The following TGM6 variants were observed in gnomAD, a reference collection of about 807,000 sequenced individuals.
The protein encoded by TGM6 is transglutaminase 6.
In TGM6, 74 loss-of-function variants were observed where a neutral mutation model predicts 77.5. The observed-to-expected ratio is 0.96, with a 90% CI of 0.79 to 1.16. The LOEUF is 1.16. Ranked by LOEUF, TGM6 falls within the 50% of genes most tolerant of loss-of-function variation. TGM6 has a pLI of 0.00. For synonymous variants in TGM6, 383 were observed against 378.9 expected (o/e 1.01, Z -0.12); for missense variants, 968 against 940.2 (o/e 1.03, Z -0.39).
Position 2,430,883 on chromosome 20 carries a change from G to T in TGM6, c.1834-11G>T, listed in dbSNP as rs776320438. 4 of 1,614,022 alleles carry T rather than the reference G, an allele frequency of 2.5e-6. No individual in the cohort carries two copies. The highest frequency in any genetic ancestry group is 2.5e-6 in the Non-Finnish European group (3 of 1,180,044). On this transcript the variant is annotated splice_polypyrimidine_tract_variant and intron_variant, in intron 11 of 12. Transcript: ENST00000202625. ...GTAGGCGCGATGGCTCATGGGTGTT[G>T]TCCCCTTCAGGTTCTGGGCCCAGCC...
chr20:2,386,811 G>T (rs375337133), intron 1 of TGM6, among the ~76,000 whole-genome samples: 1 of 146,380 alleles, frequency 6.8e-6, no homozygotes, highest in Non-Finnish European at 1.6e-5. Context: ...GGCAGGGAAG[G>T]GGGGAAACCA....
chr20:2,399,486 C>A (rs1262925080), intron 5 of TGM6, 75 bp from the exon 6 acceptor site: 13 of 1,607,452 alleles, frequency 8.1e-6, no homozygotes, highest in Non-Finnish European at 1.1e-5. Context: ...CAAAGTTGGA[C>A]AGGATTTGAC....
chr20:2,408,989 G>A (rs374823875), intron 9 of TGM6, among the ~76,000 whole-genome samples: 4 of 152,272 alleles, frequency 2.6e-5, no homozygotes, highest in East Asian at 3.9e-4. Flanking sequence ...TCTAACAGAC[G>A]CCTATAGAAG....
chr20:2,381,038 C>G (rs2422753), intron 1 of TGM6, 63 bp downstream of exon 1: 1 of 1,594,714 alleles, frequency 6.3e-7, no homozygotes. Context: ...TCAAGAAACA[C>G]GGGTCTGTGG....
In TGM6 at chr20:2,399,644, C is replaced by A. The variant is rs753043689; in HGVS notation, c.756C>A (p.Arg252=). 2 of 1,613,638 alleles carry A rather than the reference C, an allele frequency of 1.2e-6. No homozygotes were observed. The highest frequency in any genetic ancestry group is 1.7e-5 in the Admixed American group (1 of 60,008). The part of the protein sequence containing the change: ...YGGGTSPLHW[R]GSVAILQKWL... Reference sequence around the variant, plus strand: ...GCGGCACCAGCCCGCTGCACTGGCGCGGCAGCGTGGCCATTCTGCAGAAGT... The same window carrying A: ...GCGGCACCAGCCCGCTGCACTGGCGAGGCAGCGTGGCCATTCTGCAGAAGT... The change falls in exon 6 of 13, where the codon CGC becomes CGA. Residue 252 remains arginine, a synonymous_variant. Coordinates refer to ENST00000202625, the MANE Select transcript of TGM6 (RefSeq NM_198994.3).
intron 9 of TGM6, 97 bp from the exon 10 acceptor site, chr20:2,417,135 C>CAT: frequency 9.4e-7 from 1 of 1,061,066 alleles, no homozygotes; most frequent in Non-Finnish European, 1.4e-6. Context: ...CGCCGGTGTG[C>CAT]ATATGGCTCT....
rs374655115 is a variant in TGM6 at position 2,432,581 on chromosome 20, G to C, written c.2059G>C (p.Val687Leu). Residue 687 changes from valine to leucine, a missense_variant, in exon 13 of 13, where the codon GTA (valine) becomes CTA (leucine). Coordinates refer to ENST00000202625, the MANE Select transcript of TGM6 (RefSeq NM_198994.3). ...SGPRQLQVDL[V>L]SPHFPDIKGF... ...CCCAAGGCAGCTGCAGGTGGACCTT[G>C]TAAGCCCTCACTTCCCGGACATCAA... 5.3e-5 allele frequency: 86 copies of C among 1,614,004 alleles called. No homozygotes were observed. Among genetic ancestry groups the C allele is most frequent in the Non-Finnish European group, 7.0e-5 (83 of 1,180,022 alleles).
intron 7 of TGM6, among the ~76,000 whole-genome samples, chr20:2,401,390 G>A (rs555760243): frequency 1.3e-5 from 2 of 152,168 alleles, no homozygotes; most frequent in African/African-American, 4.8e-5. Flanking sequence ...TCCTGTCAGA[G>A]AGATGCTCTG....
intron 10 of TGM6, among the ~76,000 whole-genome samples, chr20:2,420,608 AT>A (rs1299130569): frequency 6.6e-6 from 1 of 152,104 alleles, no homozygotes; most frequent in African/African-American, 2.4e-5. Context: ...CCCCTCCAAT[AT>A]CCCCATGTTC....
intron 12 of TGM6, 31 bp from the exon 13 acceptor site, chr20:2,432,459 A>AG: frequency 6.2e-7 from 1 of 1,613,106 alleles, no homozygotes. Context: ...GAGGACTGAC[A>AG]GTCTGCCTTT....
chr20:2,405,070 G>C (rs1366172736), intron 9 of TGM6, among the ~76,000 whole-genome samples: 1 of 152,224 alleles, frequency 6.6e-6, no homozygotes. Context: ...ATCTTCTCCA[G>C]GTGGTGCTGG....
rs12106117 is a variant in TGM6, at chr20:2,394,633, G to A, written c.181+8G>A. 607 of 1,605,256 alleles carry A rather than the reference G, an allele frequency of 3.8e-4. No homozygotes were observed. The African/African-American group carries it at 7.3e-3, about 19-fold the overall frequency. On this transcript the variant is annotated splice_region_variant and intron_variant, in intron 2 of 12. Transcript: ENST00000202625. ...TCTTCACGATGGAGACAGGTAACTGGGCTTGCCAGCACCCTCTTCTCGTCT... is the reference window on the plus strand; with the variant it reads ...TCTTCACGATGGAGACAGGTAACTGAGCTTGCCAGCACCCTCTTCTCGTCT...
intron 10 of TGM6, among the ~76,000 whole-genome samples, chr20:2,422,137 A>AAT (rs1555801571): frequency 1.3e-5 from 2 of 152,048 alleles, no homozygotes; most frequent in South Asian, 2.1e-4. Flanking sequence ...ATCTCAAAAA[A>AAT]ATATATATAT....
chr20:2,416,368 A>G (rs935398054), intron 9 of TGM6, among the ~76,000 whole-genome samples: 2 of 152,254 alleles, frequency 1.3e-5, no homozygotes, highest in African/African-American at 4.8e-5. Flanking sequence ...ATTATGTTCA[A>G]TTGATTTCTA....
intron 12 of TGM6, among the ~76,000 whole-genome samples, chr20:2,431,812 G>T (rs2084925662): frequency 6.6e-6 from 1 of 152,240 alleles, no homozygotes; most frequent in Non-Finnish European, 1.5e-5. Flanking sequence ...CCAGGCAAAG[G>T]TCTTGGTGTC....
Position 2,399,699 on chromosome 20 carries a change from T to C in TGM6, c.811T>C (p.Tyr271His), listed in dbSNP as rs770418655. ...WLKGRYKPVK[Y>H]GQCWVFAGVL... is the part of the protein sequence containing the mutation. ...CAAGGGCAGGTACAAGCCAGTCAAG[T>C]ACGGCCAGTGCTGGGTCTTCGCCGG... Residue 271 changes from tyrosine (Y) to histidine (H), a missense_variant, in exon 6 of 13, where the codon TAC (tyrosine) becomes CAC (histidine). Tyr to His is a moderately conservative substitution (Grantham distance 83, BLOSUM62 2). Transcript: ENST00000202625. 1.2e-6 allele frequency: 2 copies of C among 1,614,000 alleles called. No individual in the cohort carries two copies. The highest frequency in any genetic ancestry group is 1.7e-6 in the Non-Finnish European group (2 of 1,180,044).
At chr20:2,400,062 T>C (rs1205799693) in intron 6 of TGM6, among the ~76,000 whole-genome samples, 4 of 152,188 alleles carry the variant, frequency 2.6e-5, no homozygotes, top group African/African-American at 9.6e-5. Flanking sequence ...CCTCAAAGCC[T>C]GTCTACTTAC....
Position 2,396,553 on chromosome 20 carries a change from C to T in TGM6, c.472C>T (p.Leu158Phe), listed in dbSNP as rs766563849. 5 of 1,614,232 alleles carry T rather than the reference C, an allele frequency of 3.1e-6. No individual in the cohort carries two copies. In the Admixed American group the frequency reaches 8.3e-5, roughly 27 times the overall value. ...ASEEERQEYV[L>F]SDSGIIFRGV... is the part of the protein sequence containing the mutation. ...AGAGGAGGAGAGACAGGAGTACGTG[C>T]TCAGCGACAGCGGCATCATCTTCCG... Residue 158 changes from leucine to phenylalanine, a missense_variant, in exon 4 of 13, where the codon CTC (leucine) becomes TTC (phenylalanine). Leu to Phe is a conservative substitution (Grantham distance 22, BLOSUM62 0). Transcript: ENST00000202625.
At chr20:2,381,340 T>C (rs1208765513) in intron 1 of TGM6, among the ~76,000 whole-genome samples, 1 of 152,106 alleles carries the variant, frequency 6.6e-6, no homozygotes, top group Non-Finnish European at 1.5e-5. Context: ...CTGGGCATAG[T>C]TGGGAATTGT....
Sources: gnomAD v4.1 joint callset for allele counts (sites outside exome capture counted in the v4.1 genomes callset) on GRCh38, gnomAD v4.1.1 for gene constraint, MANE v1.5 for transcripts, NCBI Gene and HGNC (gene_info 2026-07-23, HGNC 2026-07-21) for gene names.